Variants in RIC3 observed in about 807,000 individuals in gnomAD.
RIC3 encodes the protein protein RIC-3.
Under a neutral mutation model 27.3 loss-of-function variants are expected in RIC3, and 28 were observed. That is an observed-to-expected ratio of 1.02 (90% CI 0.76 to 1.41). The LOEUF (loss-of-function observed/expected upper bound fraction) is 1.41, where lower values mean the gene tolerates loss of function less well. RIC3 is among the 40% of genes most tolerant of loss of function. The pLI is 0.00. For synonymous variants in RIC3, 184 were observed against 160.4 expected (o/e 1.15, Z -1.11); for missense variants, 501 against 444.7 (o/e 1.13, Z -1.14).
At chr11:8,126,519 C>G in intron 5 of RIC3, 140 bp downstream of exon 5, 1 of 979,838 alleles carries the variant, frequency 1.0e-6, no homozygotes, top group Non-Finnish European at 1.5e-6. Flanking sequence ...TTTGTCAAAA[C>G]TCATCCAACC....
At chr11:8,094,894 C>T in the RIC3 span, among the ~76,000 whole-genome samples, 25 of 152,334 alleles carry the variant, frequency 1.6e-4, no homozygotes, top group Middle Eastern at 3.4e-3. Context: ...GCTCAGTAGG[C>T]GGGCAGGGTG....
At position 8,140,192 on chromosome 11, in the gene RIC3, T is replaced by C. The variant is rs752730620; in HGVS notation, c.126A>G (p.Gly42=). ...TCATAGGTGGAAATCGGCCCAATTT[T>C]CCTGAGAAAATAATAATCACTTTTT... ...KRQEPPPTPE[G]KLGRFPPMMH... is the part of the protein sequence containing the mutation. The change falls in exon 2 of 6, where the codon GGA becomes GGG. Residue 42 remains glycine (G), a splice_region_variant and synonymous_variant. Coordinates refer to ENST00000309737, the MANE Select transcript of RIC3 (RefSeq NM_001206671.4). 9 of 1,609,914 alleles carry C rather than the reference T, an allele frequency of 5.6e-6. No individual in the cohort carries two copies. The Admixed American group carries it at 1.5e-4, about 27-fold the overall frequency.
At chr11:8,155,554 T>G (rs1196716790) in intron 1 of RIC3, among the ~76,000 whole-genome samples, 4 of 151,986 alleles carry the variant, frequency 2.6e-5, no homozygotes, top group Non-Finnish European at 5.9e-5. Context: ...CCAGCGTAGG[T>G]GACAGTGAGA....
the RIC3 span, among the ~76,000 whole-genome samples, chr11:8,094,912 C>T: frequency 6.6e-6 from 1 of 152,192 alleles, no homozygotes; most frequent in Admixed American, 6.5e-5. Flanking sequence ...GTGGCTGCCA[C>T]CTGTGTGGGT....
chr11:8,100,237 C>G, the RIC3 span, among the ~76,000 whole-genome samples: 1 of 152,068 alleles, frequency 6.6e-6, no homozygotes, highest in Non-Finnish European at 1.5e-5. Context: ...AGAGAGGACT[C>G]GAGTGTGACC....
chr11:8,162,899 G>C (rs1382724435), intron 1 of RIC3, among the ~76,000 whole-genome samples: 1 of 151,790 alleles, frequency 6.6e-6, no homozygotes, highest in Non-Finnish European at 1.5e-5. Flanking sequence ...GCCTGCCTTG[G>C]GCTCCCCAAG....
chr11:8,164,580 A>G (rs1468807632), intron 1 of RIC3, among the ~76,000 whole-genome samples: 1 of 152,090 alleles, frequency 6.6e-6, no homozygotes. Context: ...GTTCAAGACC[A>G]GCCTGGGAAA....
chr11:8,131,804 G>C (rs148800176), intron 4 of RIC3, among the ~76,000 whole-genome samples: 7,637 of 149,824 alleles, frequency 0.051, 215 homozygotes, highest in African/African-American at 0.071. Flanking sequence ...AGGAGGCTGA[G>C]GCAGGAGAAT....
chr11:8,097,170 A>G, the RIC3 span: 1 of 1,589,378 alleles, frequency 6.3e-7, no homozygotes, highest in Non-Finnish European at 8.6e-7. Flanking sequence ...ATCCCAGACC[A>G]CCAATTTGGG....
intron 4 of RIC3, among the ~76,000 whole-genome samples, chr11:8,130,347 AG>A (rs1947539861): frequency 6.6e-6 from 1 of 152,214 alleles, no homozygotes; most frequent in African/African-American, 2.4e-5. Flanking sequence ...AAATTCATCC[AG>A]GCAACAGTCC....
the RIC3 span, chr11:8,100,779 A>G: frequency 1.2e-6 from 2 of 1,606,796 alleles, no homozygotes; most frequent in Non-Finnish European, 8.5e-7. Flanking sequence ...TGGGGTGGTC[A>G]TGGTGCCAAA....
chr11:8,098,321 AGAT>A, the RIC3 span, among the ~76,000 whole-genome samples: 2 of 152,158 alleles, frequency 1.3e-5, no homozygotes, highest in South Asian at 4.2e-4. Context: ...GCATAAATAA[AGAT>A]GAGAGGTCAG....
At chr11:8,147,427 G>T (rs918021830) in intron 1 of RIC3, among the ~76,000 whole-genome samples, 1 of 151,852 alleles carries the variant, frequency 6.6e-6, no homozygotes, top group African/African-American at 2.4e-5. Context: ...TTAGTTGATT[G>T]TCTCCTGGGT....
chr11:8,163,414 T>G (rs1269380193), intron 1 of RIC3, among the ~76,000 whole-genome samples: 1 of 151,876 alleles, frequency 6.6e-6, no homozygotes, highest in South Asian at 2.1e-4. Context: ...TATTCAACAT[T>G]GCACTAAAGG....
intron 5 of RIC3, among the ~76,000 whole-genome samples, chr11:8,126,233 G>A (rs533508801): frequency 6.6e-6 from 1 of 152,024 alleles, no homozygotes; most frequent in African/African-American, 2.4e-5. Flanking sequence ...AACAAATTAT[G>A]GTATAAGTAT....
intron 5 of RIC3, among the ~76,000 whole-genome samples, chr11:8,118,376 G>A (rs1400785013): frequency 4.0e-5 from 6 of 151,488 alleles, no homozygotes; most frequent in African/African-American, 7.3e-5. Flanking sequence ...GTTAGTGCAG[G>A]AGATAAAGGC....
chr11:8,099,897 TA>T, the RIC3 span, among the ~76,000 whole-genome samples: 1 of 152,090 alleles, frequency 6.6e-6, no homozygotes, highest in Non-Finnish European at 1.5e-5. Flanking sequence ...TACCAGGCAG[TA>T]AATGGTGAGG....
chr11:8,124,109 A>AAG (rs1359462584), intron 5 of RIC3, among the ~76,000 whole-genome samples: 11 of 118,756 alleles, frequency 9.3e-5, no homozygotes, highest in Admixed American at 7.6e-4. Flanking sequence ...GAAAAAGAGA[A>AAG]AGCAAGCAAG....
At chr11:8,119,910 G>A (rs1251997160) in intron 5 of RIC3, among the ~76,000 whole-genome samples, 1 of 152,172 alleles carries the variant, frequency 6.6e-6, no homozygotes, top group Non-Finnish European at 1.5e-5. Context: ...CTCAAAAGAA[G>A]ACATGTATGC....
Sources: gnomAD v4.1 joint callset for allele counts (sites outside exome capture counted in the v4.1 genomes callset) on GRCh38, gnomAD v4.1.1 for gene constraint, MANE v1.5 for transcripts, NCBI Gene and HGNC (gene_info 2026-07-23, HGNC 2026-07-21) for gene names.